The following ASIC2 variants were observed in gnomAD, a reference collection of about 807,000 sequenced individuals.
ASIC2 encodes the protein acid sensing ion channel subunit 2, also known as acid-sensing ion channel 2.
ASIC2 carries 25 observed loss-of-function variants against 57.3 expected under a neutral mutation model. The observed-to-expected ratio is 0.44, with a 90% CI of 0.32 to 0.61. ASIC2 has a LOEUF of 0.61. Among genes scored for constraint, ASIC2 ranks in the 20% least tolerant of loss-of-function variants. ASIC2 has a pLI of 0.06. For missense variants in ASIC2, 641 were observed against 738.1 expected, an observed-to-expected ratio of 0.87 and a Z score of 1.52; for synonymous variants, 319 against 307.5, an observed-to-expected ratio of 1.04 and a Z score of -0.39.
chr17:33,415,169 G>A (rs1013116522), intron 1 of ASIC2, among the ~76,000 whole-genome samples: 2 of 151,522 alleles, frequency 1.3e-5, no homozygotes, highest in Non-Finnish European at 2.9e-5. Flanking sequence ...CATGACACTT[G>A]GACTAGAAGA....
intron 1 of ASIC2, among the ~76,000 whole-genome samples, chr17:33,203,618 C>A (rs376252015): frequency 6.6e-6 from 1 of 152,138 alleles, no homozygotes. Context: ...GGGGGAATGA[C>A]CATCAGTGGC....
chr17:34,125,087 A>C (rs1307685290), intron 1 of ASIC2, among the ~76,000 whole-genome samples: 1 of 151,580 alleles, frequency 6.6e-6, no homozygotes, highest in African/African-American at 2.4e-5. Flanking sequence ...CACCTCCTCC[A>C]CAAAGCCTTA....
chr17:34,035,928 G>C lies in ASIC2; in HGVS notation c.555+120050C>G, dbSNP rs1220317025. On this transcript the variant is annotated intron_variant, in intron 1 of 9. Transcript: ENST00000359872. ...GGAGAAATAGGAACACTTTTACACTGTTGGTGGGACTGTAAACTAGTTCAA... is the reference window on the plus strand; with the variant it reads ...GGAGAAATAGGAACACTTTTACACTCTTGGTGGGACTGTAAACTAGTTCAA... Among the ~76,000 whole-genome samples, 4 of 151,768 alleles carry C rather than the reference G, an allele frequency of 2.6e-5. No individual in the cohort carries two copies. The East Asian group carries it at 7.7e-4, about 29-fold the overall frequency.
At chr17:33,707,008 T>G (rs1361916211) in intron 1 of ASIC2, among the ~76,000 whole-genome samples, 2 of 152,228 alleles carry the variant, frequency 1.3e-5, no homozygotes, top group Non-Finnish European at 2.9e-5. Flanking sequence ...TTCTTTGATT[T>G]ATTGCATATC....
chr17:33,969,820 A>G (rs1219829424), intron 1 of ASIC2, among the ~76,000 whole-genome samples: 2 of 152,144 alleles, frequency 1.3e-5, no homozygotes, highest in African/African-American at 4.8e-5. Flanking sequence ...GTAGAATGTC[A>G]TCGGCAGCTA....
At chr17:33,779,572 C>T (rs1047555237) in intron 1 of ASIC2, among the ~76,000 whole-genome samples, 1 of 152,154 alleles carries the variant, frequency 6.6e-6, no homozygotes, top group Admixed American at 6.5e-5. Context: ...GCAGACAAAC[C>T]TAAGAAACTT....
intron 1 of ASIC2, chr17:33,984,470 G>C (rs917081014): frequency 2.6e-5 from 4 of 152,182 alleles, no homozygotes; most frequent in African/African-American, 9.7e-5. Flanking sequence ...GCAATTTTTA[G>C]GTCTCCTAGT....
Position 33,023,974 on chromosome 17 carries a change from C to A in ASIC2, c.1236G>T (p.Arg412Ser). Reference protein sequence around the residue: ...AEKDSNYCLCRTPCNLTRYNK... With the variant: ...AEKDSNYCLCSTPCNLTRYNK... ...TGTAGCGGGTTAGGTTGCAGGGTGT[C>A]CTGCAGAGACAGTAATTGCTGTCCT... Residue 412 changes from arginine to serine, a missense_variant, in exon 6 of 10, where the codon AGG becomes AGT. Around this residue, in one of 3 missense-constraint regions of ASIC2, gnomAD observed 252 missense variants for 319.8 expected, o/e 0.79. Transcript: ENST00000225823. The A allele has an allele frequency of 6.2e-7, 1 of 1,614,180 alleles. No individual in the cohort carries two copies. Among genetic ancestry groups the A allele is most frequent in the Non-Finnish European group, 8.5e-7 (1 of 1,180,022 alleles).
chr17:33,396,763 A>T (rs1910092124), intron 1 of ASIC2, among the ~76,000 whole-genome samples: 2 of 152,180 alleles, frequency 1.3e-5, no homozygotes, highest in South Asian at 4.1e-4. Context: ...TAATCCTGAA[A>T]ATATATCAGA....
chr17:34,100,542 C>G (rs972604454), intron 1 of ASIC2, among the ~76,000 whole-genome samples: 4 of 152,170 alleles, frequency 2.6e-5, no homozygotes, highest in African/African-American at 7.2e-5. Flanking sequence ...AACCTCAGCC[C>G]AGAAGAGCGT....
rs1905550661 is a variant in ASIC2, at chr17:33,292,752, T to C, written c.-637A>G. 2 of 985,756 alleles carry C rather than the reference T, an allele frequency of 2.0e-6. No homozygotes were observed. The highest frequency in any genetic ancestry group is 1.2e-4 in the Admixed American group (2 of 16,268). The allele number at this position is 985,756 out of a possible 1,614,324, so 61.1% of individuals were successfully genotyped here. A position where few individuals can be genotyped will look rare whatever the true frequency, so the allele number is the denominator to read the frequency against. On this transcript the variant is annotated 5_prime_UTR_variant, in exon 1 of 10. Coordinates refer to ENST00000225823, the MANE Select transcript of ASIC2 (RefSeq NM_183377.2). ...GGGGGTGAGTGGTCGCCTTGCCGGC[T>C]GCCGCCTTCTTTCCCTTCCCCTCCA...
intron 1 of ASIC2, among the ~76,000 whole-genome samples, chr17:34,065,352 TA>T (rs1909131996): frequency 1.3e-5 from 2 of 151,990 alleles, no homozygotes; most frequent in Non-Finnish European, 2.9e-5. Context: ...GTTGGGGACT[TA>T]GGGGGAAGAG....
chr17:33,449,547 A>G lies in ASIC2; in HGVS notation c.556-337480T>C, dbSNP rs540689145. On this transcript the variant is annotated intron_variant, in intron 1 of 9. Coordinates refer to the ASIC2 transcript ENST00000359872. ...AATACCTGGACACAAATGTTCTCAAAGCAAACCCCTCTATCAACTTCCCAG... is the reference window on the plus strand; with the variant it reads ...AATACCTGGACACAAATGTTCTCAAGGCAAACCCCTCTATCAACTTCCCAG... Among the ~76,000 whole-genome samples, 10 of 152,316 alleles carry G rather than the reference A, an allele frequency of 6.6e-5. No homozygotes were observed. The South Asian group carries it at 1.9e-3, about 28-fold the overall frequency.
At chr17:33,118,943 G>A (rs1469247031) in intron 1 of ASIC2, among the ~76,000 whole-genome samples, 1 of 152,144 alleles carries the variant, frequency 6.6e-6, no homozygotes, top group Non-Finnish European at 1.5e-5. Context: ...GGGGTATTCC[G>A]CCTTACAGAG....
In ASIC2 at chr17:33,896,911, T is replaced by A. The variant is rs117385162; in HGVS notation, c.555+259067A>T. Among the ~76,000 whole-genome samples the A allele has an allele frequency of 3.7e-4, 56 of 152,308 alleles. 1 individual carries two copies. In the East Asian group the frequency reaches 9.6e-3, roughly 26 times the overall value. On this transcript the variant is annotated intron_variant, in intron 1 of 9. Transcript: ENST00000359872. Reference sequence around the variant, plus strand: ...TGGCCCTGGCCCCATCCATTGCTCATCACTCTGCTTTCTACAAAAGCCAGA... The same window carrying A: ...TGGCCCTGGCCCCATCCATTGCTCAACACTCTGCTTTCTACAAAAGCCAGA...
intron 1 of ASIC2, among the ~76,000 whole-genome samples, chr17:34,065,179 T>C (rs1011538878): frequency 5.3e-5 from 8 of 152,224 alleles, no homozygotes; most frequent in Non-Finnish European, 1.0e-4. Flanking sequence ...ATATATGTGA[T>C]GGAATAGTAC....
At chr17:33,520,089 G>A (rs183469996) in intron 1 of ASIC2, among the ~76,000 whole-genome samples, 359 of 152,306 alleles carry the variant, frequency 2.4e-3, no homozygotes, top group African/African-American at 8.0e-3. Context: ...ATGAGCAGAG[G>A]GTATCTTTGC....
chr17:33,237,363 T>G (rs1000914739), intron 1 of ASIC2, among the ~76,000 whole-genome samples: 1 of 151,978 alleles, frequency 6.6e-6, no homozygotes, highest in Non-Finnish European at 1.5e-5. Context: ...TTTTTTTTTT[T>G]TTTTAATACG....
At chr17:33,232,493 T>TGGTAC (rs1167731945) in intron 1 of ASIC2, among the ~76,000 whole-genome samples, 2 of 147,028 alleles carry the variant, frequency 1.4e-5, no homozygotes, top group Admixed American at 1.3e-4. Flanking sequence ...TGGTATGGTA[T>TGGTAC]GGTACGGTAT....
Sources: gnomAD v4.1 joint callset for allele counts (sites outside exome capture counted in the v4.1 genomes callset) on GRCh38, gnomAD v4.1.1 for gene constraint, gnomAD v4.1.1 regional missense constraint, MANE v1.5 for transcripts, NCBI Gene and HGNC (gene_info 2026-07-23, HGNC 2026-07-21) for gene names.